Variants in PI4KB observed in about 807,000 individuals in gnomAD.
The protein encoded by PI4KB is PtdIns 4-kinase beta.
PI4KB carries 23 observed loss-of-function variants against 81.4 expected under a neutral mutation model. The observed-to-expected ratio is 0.28, with a 90% confidence interval of 0.20 to 0.40. The LOEUF (loss-of-function observed/expected upper bound fraction) is 0.40, where lower values mean the gene tolerates loss of function less well. PI4KB is among the 10% of genes least tolerant of loss of function. The pLI is 1.00. For synonymous variants in PI4KB, 381 were observed against 406.8 expected (o/e 0.94, Z 0.76); for missense variants, 651 against 1,036.6 (o/e 0.63, Z 5.11).
At chr1:151,315,442 C>A in intron 2 of PI4KB, 131 bp downstream of exon 2, 1 of 699,288 alleles carries the variant, frequency 1.4e-6, no homozygotes, top group South Asian at 1.7e-5. Flanking sequence ...TTCTAACATT[C>A]CATGCTTTTA....
At chr1:151,322,320 C>T (rs1291223734) in intron 1 of PI4KB, among the ~76,000 whole-genome samples, 3 of 152,116 alleles carry the variant, frequency 2.0e-5, no homozygotes, top group Non-Finnish European at 2.9e-5. Context: ...CACATATGTT[C>T]TGTGTGACTG....
rs376101327 is a variant in PI4KB at position 151,293,017 on chromosome 1, G to A, written c.2286C>T (p.Cys762=). 6.1e-5 allele frequency: 98 copies of A among 1,613,958 alleles called. No individual in the cohort carries two copies. Among genetic ancestry groups the A allele is most frequent in the Non-Finnish European group, 7.9e-5 (93 of 1,179,950 alleles). ...TTCGAATGGTGCTGGAGCCATGGAAGCAAGGAAGCTGAGAACCTGGGGGAA... is the reference window on the plus strand; with the variant it reads ...TTCGAATGGTGCTGGAGCCATGGAAACAAGGAAGCTGAGAACCTGGGGGAA... ...EIMQQGSQLP[C]FHGSSTIRNL... is the part of the protein sequence containing the mutation. Residue 762 remains cysteine (C), a synonymous_variant, in exon 12 of 12, where the codon TGC becomes TGT. Coordinates refer to ENST00000368873, the MANE Select transcript of PI4KB (RefSeq NM_001369623.2).
intron 3 of PI4KB, among the ~76,000 whole-genome samples, chr1:151,308,166 C>T (rs1253837338): frequency 2.6e-5 from 4 of 152,212 alleles, no homozygotes; most frequent in African/African-American, 4.8e-5. Context: ...GAGCTGCTTA[C>T]ACCTGAATTG....
intron 11 of PI4KB, 174 bp from the exon 12 acceptor site, chr1:151,293,207 C>T: frequency 4.1e-6 from 4 of 985,330 alleles, no homozygotes; most frequent in Non-Finnish European, 4.8e-6. Flanking sequence ...AGGAACCCCT[C>T]ATCACCCCAC....
At chr1:151,311,120 C>G (rs770754720) in intron 2 of PI4KB, among the ~76,000 whole-genome samples, 2 of 152,120 alleles carry the variant, frequency 1.3e-5, no homozygotes, top group Non-Finnish European at 1.5e-5. Flanking sequence ...TGTGCAAAAA[C>G]AGGGGAAAGA....
At chr1:151,308,424 A>T (rs921336775) in intron 3 of PI4KB, among the ~76,000 whole-genome samples, 1 of 152,220 alleles carries the variant, frequency 6.6e-6, no homozygotes, top group Non-Finnish European at 1.5e-5. Flanking sequence ...GGATGAGCCG[A>T]TGAGCAGACT....
At position 151,306,230 on chromosome 1, in the gene PI4KB, T is replaced by A; in HGVS notation, c.1316A>T (p.His439Leu). The A allele has an allele frequency of 6.2e-7, 1 of 1,614,176 alleles. No individual in the cohort carries two copies. Among genetic ancestry groups the A allele is most frequent in the Non-Finnish European group, 8.5e-7 (1 of 1,180,034 alleles). Residue 439 changes from histidine (H) to leucine (L), a missense_variant, in exon 5 of 12, where the codon CAT (histidine) becomes CTT (leucine). Physicochemically the swap from His to Leu is moderately conservative, Grantham distance 99. Around this residue, in one of 5 missense-constraint regions of PI4KB, gnomAD observed 246 missense variants for 430.1 expected, o/e 0.57. Coordinates refer to ENST00000368873, the MANE Select transcript of PI4KB (RefSeq NM_001369623.2). ...GCTGAAGCTGCCAGCTCGCTGCTCA[T>A]GGGTAATACCACATTCGGGCAAGTT... is the stretch of plus-strand genomic sequence containing the variant. ...VENLPECGIT[H>L]EQRAGSFSTV...
intron 1 of PI4KB, among the ~76,000 whole-genome samples, chr1:151,321,636 G>A (rs1047221139): frequency 3.3e-5 from 5 of 152,010 alleles, no homozygotes; most frequent in African/African-American, 1.2e-4. Context: ...CACTTTGGGA[G>A]GCTGAGGAGG....
intron 1 of PI4KB, chr1:151,326,301 G>A: frequency 1.1e-6 from 1 of 946,286 alleles, no homozygotes; most frequent in Non-Finnish European, 1.6e-6. Context: ...CTTCTGTCCT[G>A]AACGGCCTGA....
At chr1:151,298,072 GT>G in intron 9 of PI4KB, among the ~76,000 whole-genome samples, 1 of 152,270 alleles carries the variant, frequency 6.6e-6, no homozygotes, top group East Asian at 1.9e-4. Context: ...TGTGTAGTTA[GT>G]TTTCATCAAG....
At chr1:151,326,162 GTT>G in intron 1 of PI4KB, 1 of 1,613,164 alleles carries the variant, frequency 6.2e-7, no homozygotes, top group Non-Finnish European at 8.5e-7. Context: ...TCTGAAACAA[GTT>G]TTCTCACAAT....
At chr1:151,296,544 C>T (rs1694813217) in intron 9 of PI4KB, among the ~76,000 whole-genome samples, 1 of 151,208 alleles carries the variant, frequency 6.6e-6, no homozygotes, top group Admixed American at 6.6e-5. Context: ...GATCTTGGCT[C>T]ACTGCAACTT....
chr1:151,327,215 G>GTGGGGGCC, intron 1 of PI4KB, 56 bp downstream of exon 1: 1 of 49,688 alleles, frequency 2.0e-5, no homozygotes, highest in Non-Finnish European at 4.5e-5. Context: ...GTGGGAGAGG[G>GTGGGGGCC]ACCCCCCCCC....
chr1:151,296,834 C>T (rs754872707), intron 9 of PI4KB, among the ~76,000 whole-genome samples: 4 of 150,480 alleles, frequency 2.7e-5, no homozygotes, highest in Non-Finnish European at 5.9e-5. Context: ...GGTGTGCAGT[C>T]GCGCGATCTC....
intron 11 of PI4KB, 39 bp from the exon 12 acceptor site, chr1:151,293,072 G>A (rs767444037): frequency 1.5e-5 from 24 of 1,604,926 alleles, no homozygotes; most frequent in Middle Eastern, 1.7e-4. Context: ...ATGGATGGAC[G>A]GGAGGGGCAG....
chr1:151,297,787 T>G (rs2101917179), intron 9 of PI4KB, among the ~76,000 whole-genome samples: 1 of 152,166 alleles, frequency 6.6e-6, no homozygotes, highest in East Asian at 1.9e-4. Context: ...GATCCACCCG[T>G]GTCAGCCTCC....
intron 1 of PI4KB, among the ~76,000 whole-genome samples, chr1:151,321,872 TA>T (rs35519740): frequency 0.04 from 2,960 of 73,812 alleles, 33 homozygotes; most frequent in Non-Finnish European, 0.055. Context: ...GACTCTGTCT[TA>T]AAAAAAAAAA....
intron 6 of PI4KB, among the ~76,000 whole-genome samples, chr1:151,302,522 C>T (rs1423865993): frequency 6.6e-6 from 1 of 151,974 alleles, no homozygotes; most frequent in African/African-American, 2.4e-5. Context: ...TATTCCTCTA[C>T]CAAGGCTGAT....
At chr1:151,306,023 A>G (rs1449419867) in intron 5 of PI4KB, 113 bp downstream of exon 5, 2 of 759,804 alleles carry the variant, frequency 2.6e-6, no homozygotes, top group Non-Finnish European at 2.2e-6. Flanking sequence ...TACACCACTC[A>G]TTAGGATACT....
Sources: allele counts gnomAD v4.1 joint callset (sites outside exome capture counted in the v4.1 genomes callset), GRCh38; gene constraint gnomAD v4.1.1; regional missense constraint gnomAD v4.1.1; transcripts MANE v1.5; gene names NCBI Gene and HGNC (gene_info 2026-07-23, HGNC 2026-07-21).